The following GLI3 variants were observed in gnomAD, a reference collection of about 807,000 sequenced individuals.
GLI3 encodes the protein transcription activator GLI3.
A neutral mutation model predicts 100.8 loss-of-function variants in GLI3; 20 were observed. The ratio of observed to expected loss-of-function variants is 0.20; its 90% CI spans 0.14 to 0.29. The LOEUF (loss-of-function observed/expected upper bound fraction) is 0.29. GLI3 is among the 10% of genes least tolerant of loss of function. The pLI is 1.00. For missense variants in GLI3, 2,040 were observed against 2,128.5 expected (o/e 0.96, Z 0.82); for synonymous variants, 938 against 860.5 (o/e 1.09, Z -1.58).
chr7:42,118,173 A>C, intron 3 of GLI3: 1 of 394,356 alleles, frequency 2.5e-6, no homozygotes. Flanking sequence ...TCTTAATGAA[A>C]TACACTCAAG....
Position 41,965,635 on chromosome 7 carries a change from G to C in GLI3, c.3438C>G (p.Leu1146=), listed in dbSNP as rs760545738. 23 of 1,611,366 alleles carry C rather than the reference G, an allele frequency of 1.4e-5. 2 individuals carry two copies. The South Asian group carries it at 1.8e-4, about 12-fold the overall frequency. The change falls in exon 15 of 15, where the codon CTC becomes CTG. Residue 1146 remains leucine, a synonymous_variant. Coordinates refer to ENST00000395925, the MANE Select transcript of GLI3 (RefSeq NM_000168.6). ...TGCTGCCCTCGGGGCAGGGCTGCTC[G>C]AGGGCATGGAACTGCTGGCCAGCGT... ...DSHAGQQFHA[L]EQPCPEGSKT...
intron 2 of GLI3, among the ~76,000 whole-genome samples, chr7:42,177,601 A>G (rs1787506342): frequency 1.3e-5 from 2 of 152,214 alleles, no homozygotes; most frequent in Non-Finnish European, 2.9e-5. Context: ...AAAAACATGT[A>G]GATATTCAAA....
intron 3 of GLI3, among the ~76,000 whole-genome samples, chr7:42,118,860 T>C (rs1785924677): frequency 6.6e-6 from 1 of 152,140 alleles, no homozygotes; most frequent in Non-Finnish European, 1.5e-5. Flanking sequence ...ACCCAACAAA[T>C]CACTGTTTTG....
In GLI3 at chr7:42,066,480, CA is replaced by C. The variant is rs11316218; in HGVS notation, c.473+10271del. Reference sequence around the variant, plus strand: ...ATGGGGAAAGGTGGGGAGGTTAACACAAATTAAATATGGTGCAGTGCATCTC... The same window carrying C: ...ATGGGGAAAGGTGGGGAGGTTAACACAATTAAATATGGTGCAGTGCATCTC... On this transcript the variant is annotated intron_variant, in intron 4 of 14. Coordinates refer to ENST00000395925, the MANE Select transcript of GLI3 (RefSeq NM_000168.6). Among the ~76,000 whole-genome samples the C allele has an allele frequency of 8.4e-3, 1,275 of 152,182 alleles. 21 individuals carry two copies. The highest frequency in any genetic ancestry group is 0.029 in the African/African-American group (1,211 of 41,510).
At chr7:42,190,972 A>T (rs979325695) in intron 2 of GLI3, among the ~76,000 whole-genome samples, 7 of 151,956 alleles carry the variant, frequency 4.6e-5, no homozygotes, top group Admixed American at 1.3e-4. Flanking sequence ...ACTTTTTTTA[A>T]AAAAAAGAAT....
At chr7:42,238,000 GCCGCCT>G (rs1398646693), upstream of GLI3, 10 of 146,098 alleles carry the variant, frequency 6.8e-5, no homozygotes, top group South Asian at 1.7e-4. Context: ...CGCCGCCGCC[GCCGCCT>G]CCTCCTCCTC....
chr7:42,222,763 G>C (rs1029940960), intron 2 of GLI3: 1 of 238,978 alleles, frequency 4.2e-6, no homozygotes, highest in Non-Finnish European at 8.4e-6. Context: ...GACAACTTTT[G>C]TGTCTTTTGT....
chr7:42,027,686 CCTTACATTACAATAG>C (rs1453381844), intron 7 of GLI3, among the ~76,000 whole-genome samples: 1 of 152,156 alleles, frequency 6.6e-6, no homozygotes, highest in African/African-American at 2.4e-5. Context: ...CTGCAGAGAA[CCTTACATTACAATAG>C]CTTGCCCATT....
intron 2 of GLI3, among the ~76,000 whole-genome samples, chr7:42,165,135 C>T (rs1195845263): frequency 6.7e-6 from 1 of 148,608 alleles, no homozygotes; most frequent in Non-Finnish European, 1.5e-5. Context: ...ATTAGCCAGG[C>T]GTGGAGATTG....
intron 2 of GLI3, among the ~76,000 whole-genome samples, chr7:42,209,383 G>A (rs1157512247): frequency 6.6e-6 from 1 of 152,134 alleles, no homozygotes; most frequent in Non-Finnish European, 1.5e-5. Context: ...CAATGTGATA[G>A]TACATTTTGG....
chr7:42,036,525 C>T (rs962345679), intron 7 of GLI3, among the ~76,000 whole-genome samples: 11 of 152,180 alleles, frequency 7.2e-5, no homozygotes, highest in South Asian at 2.1e-4. Context: ...AATATGGAAA[C>T]GTCAAATAGT....
Position 41,972,457 on chromosome 7 carries a change from C to G in GLI3, c.1983G>C (p.Gln661His), listed in dbSNP as rs564000094. The G allele has an allele frequency of 6.8e-6, 11 of 1,613,632 alleles. No homozygotes were observed. Among genetic ancestry groups the G allele is most frequent in the Non-Finnish European group, 9.3e-6 (11 of 1,179,968 alleles). ...PPPRDSGSHS[Q>H]SRSPGRPTQG... ...GAGTCGGTCGGCCAGGCGACCTGGACTGTGAATGGCTGCCGGAATCTCTCG... is the reference window on the plus strand; with the variant it reads ...GAGTCGGTCGGCCAGGCGACCTGGAGTGTGAATGGCTGCCGGAATCTCTCG... Residue 661 changes from glutamine (Q) to histidine (H), a missense_variant, in exon 13 of 15, where the codon CAG (glutamine) becomes CAC (histidine). By Grantham distance (24) the Gln-to-His change is conservative (BLOSUM62 0). Transcript: ENST00000395925. The surrounding 1 kb of genome is among the most constrained non-coding windows in gnomAD (Gnocchi z 4.4).
chr7:41,968,756 G>GA, intron 13 of GLI3, among the ~76,000 whole-genome samples: 1 of 96,878 alleles, frequency 1.0e-5, no homozygotes, highest in Admixed American at 9.9e-5. Flanking sequence ...AAGAAAGAAA[G>GA]AAAGAAGGAA....
intron 1 of GLI3, among the ~76,000 whole-genome samples, chr7:42,251,814 A>G (rs1395781916): frequency 6.6e-6 from 1 of 152,134 alleles, no homozygotes; most frequent in Non-Finnish European, 1.5e-5. Flanking sequence ...CTGGCTCCAG[A>G]GCCTCCACTC....
intron 7 of GLI3, among the ~76,000 whole-genome samples, chr7:42,028,885 G>T (rs1278034138): frequency 6.6e-6 from 1 of 152,068 alleles, no homozygotes; most frequent in African/African-American, 2.4e-5. Flanking sequence ...CTAGGTCTAC[G>T]ATCCTCCTTG....
chr7:42,127,298 T>C (rs1391906762), intron 3 of GLI3, among the ~76,000 whole-genome samples: 1 of 152,220 alleles, frequency 6.6e-6, no homozygotes, highest in Non-Finnish European at 1.5e-5. Context: ...TGTTTTTCTC[T>C]GACACCACAG....
intron 2 of GLI3, among the ~76,000 whole-genome samples, chr7:42,202,625 G>A (rs1376538522): frequency 6.6e-6 from 1 of 152,124 alleles, no homozygotes; most frequent in Admixed American, 6.6e-5. Flanking sequence ...CAAATAAATG[G>A]CTAAGTGCCC....
chr7:42,068,754 T>C (rs906827544), intron 4 of GLI3, among the ~76,000 whole-genome samples: 4 of 152,080 alleles, frequency 2.6e-5, no homozygotes, highest in African/African-American at 9.7e-5. Flanking sequence ...TGTCTTTGTT[T>C]AGGTGAAAAA....
intron 12 of GLI3, among the ~76,000 whole-genome samples, chr7:41,976,382 T>C (rs1267915873): frequency 6.6e-6 from 1 of 152,172 alleles, no homozygotes; most frequent in Non-Finnish European, 1.5e-5. Flanking sequence ...TATGAGTGAG[T>C]GTGCTTTTTA....
Sources: allele counts gnomAD v4.1 joint callset (sites outside exome capture counted in the v4.1 genomes callset), GRCh38; gene constraint gnomAD v4.1.1; non-coding constraint Gnocchi (gnomAD v3.1); transcripts MANE v1.5; gene names NCBI Gene and HGNC (gene_info 2026-07-23, HGNC 2026-07-21).